COL5A3: variants seen among roughly 807,000 people sequenced by gnomAD.
The protein encoded by COL5A3 is collagen type V alpha 3 chain.
COL5A3 carries 172 observed loss-of-function variants against 250.0 expected under a neutral mutation model. The ratio of observed to expected loss-of-function variants is 0.69; its 90% confidence interval spans 0.61 to 0.78. COL5A3 has a LOEUF of 0.78. Ranked by LOEUF, COL5A3 falls within the 30% of genes least tolerant of loss-of-function variation. COL5A3 has a pLI of 0.00. For missense variants in COL5A3, 2,340 were observed against 2,334.4 expected (o/e 1.00, Z -0.05); for synonymous variants, 937 against 900.4 (o/e 1.04, Z -0.73).
chr19:9,991,951 A>T lies in COL5A3; in HGVS notation c.1893+53T>A. ...ATGGAAGGGAATAGGGATGTGGACA[A>T]TCGGGGTCAGAGTGTCAGAAGGGTC... On this transcript the variant is annotated intron_variant, in intron 22 of 66. Transcript: ENST00000264828. The T allele has an allele frequency of 1.9e-6, 3 of 1,575,714 alleles. No homozygotes were observed. The South Asian group carries it at 3.3e-5, about 17-fold the overall frequency.
chr19:9,973,951 G>T lies in COL5A3; in HGVS notation c.3526C>A (p.Pro1176Thr), dbSNP rs1351578945. ...CCAGTGGGGCCTTGGGGACCCCGAG[G>T]ACCTGGAGCTCCATGGGGACCCTGT... ...GSMGPHGAPG[P>T]RGPQGPTGSE... The change falls in exon 48 of 67, where the codon CCT becomes ACT. Residue 1176 changes from proline to threonine, a missense_variant. This residue lies in a region of COL5A3 where 1,179 missense variants were observed against 1,162.6 expected (regional missense o/e 1.01). Transcript: ENST00000264828. 1 of 1,547,052 alleles carries T rather than the reference G, an allele frequency of 6.5e-7. No homozygotes were observed. Among genetic ancestry groups the T allele is most frequent in the Admixed American group, 2.0e-5 (1 of 50,404 alleles).
intron 65 of COL5A3, among the ~76,000 whole-genome samples, chr19:9,961,559 A>AT (rs61153479): frequency 0.12 from 14,899 of 126,192 alleles, 1,421 homozygotes; most frequent in African/African-American, 0.24. Context: ...ACTTCATTTA[A>AT]TTTTTTTTTT....
intron 31 of COL5A3, among the ~76,000 whole-genome samples, chr19:9,985,216 G>A (rs994344575): frequency 2.0e-5 from 3 of 150,072 alleles, no homozygotes; most frequent in Admixed American, 6.7e-5. Context: ...CTCCCAAAGC[G>A]TTGGGATTAC....
At position 10,001,812 on chromosome 19, in the gene COL5A3, C is replaced by A. The variant is rs139370027; in HGVS notation, c.919G>T (p.Val307Phe). ...NLPPTPTPLV[V>F]TSTVTTGLNA... The stretch of plus-strand genomic sequence containing the variant: ...AGTCCAGTAGTCACAGTGGAGGTGA[C>A]GACCAAAGGCGTGGGGGTCGGAGGC... The change falls in exon 7 of 67, where the codon GTC (valine) becomes TTC (phenylalanine). Residue 307 changes from valine (V) to phenylalanine (F), a missense_variant. Coordinates refer to ENST00000264828, the MANE Select transcript of COL5A3 (RefSeq NM_015719.4). 1.2e-5 allele frequency: 20 copies of A among 1,613,994 alleles called. No homozygotes were observed. The African/African-American group carries it at 2.4e-4, about 19-fold the overall frequency.
At chr19:9,987,392 TA>T (rs2087115087) in intron 27 of COL5A3, among the ~76,000 whole-genome samples, 1 of 152,050 alleles carries the variant, frequency 6.6e-6, no homozygotes, top group South Asian at 2.1e-4. Flanking sequence ...AACTACAACA[TA>T]GGGGTTGGCT....
rs769793526 is a variant in COL5A3, at chr19:10,006,089, C to G, written c.231G>C (p.Thr77=). Reference sequence around the variant, plus strand: ...CCAACTCACCTGGAAAGAGTTCCCACGTGGGGATGCCGAGCGTGCTGGCCT... The same window carrying G: ...CCAACTCACCTGGAAAGAGTTCCCAGGTGGGGATGCCGAGCGTGCTGGCCT... The part of the protein sequence containing the change: ...IGQASTLGIP[T]WELFPEGHFP... The change falls in exon 2 of 67, where the codon ACG becomes ACC. Residue 77 remains threonine (T), a synonymous_variant. Transcript: ENST00000264828. 1.2e-6 allele frequency: 2 copies of G among 1,613,926 alleles called. No homozygotes were observed. Among genetic ancestry groups the G allele is most frequent in the African/African-American group, 2.7e-5 (2 of 74,902 alleles).
At chr19:10,005,373 T>C (rs994819427) in intron 4 of COL5A3, among the ~76,000 whole-genome samples, 185 bp downstream of exon 4, 1 of 152,052 alleles carries the variant, frequency 6.6e-6, no homozygotes. Flanking sequence ...AATTATTGTC[T>C]TGTGGCTCTG....
chr19:9,977,117 G>A (rs192395623), intron 44 of COL5A3, 112 bp downstream of exon 44: 1 of 1,042,258 alleles, frequency 9.6e-7, no homozygotes, highest in East Asian at 2.5e-5. Context: ...TACCCGAGAA[G>A]GCAGAAAACT....
chr19:9,979,651 G>C (rs971109160), intron 37 of COL5A3, among the ~76,000 whole-genome samples, 188 bp downstream of exon 37: 8 of 152,052 alleles, frequency 5.3e-5, no homozygotes, highest in African/African-American at 1.9e-4. Flanking sequence ...TTAGCCGGGC[G>C]TGGTGGCACG....
intron 4 of COL5A3, 22 bp downstream of exon 4, chr19:10,005,536 T>A: frequency 6.2e-7 from 1 of 1,612,186 alleles, no homozygotes; most frequent in Admixed American, 1.7e-5. Context: ...TGCCTCAGTT[T>A]CCCCCATCAC....
At position 9,978,927 on chromosome 19, in the gene COL5A3, C is replaced by G; in HGVS notation, c.2928G>C (p.Arg976Ser). ...GGCCCCCTTTGGGGCCGGGAAAGCC[C>G]CTGAGTCCAGCTGGCCCTTCTTTCC... ...PLGKEGPAGL[R>S]GFPGPKGGPG... Residue 976 changes from arginine to serine, a missense_variant, in exon 40 of 67, where the codon AGG becomes AGC. Arg to Ser is a moderately radical substitution (Grantham distance 110). Around this residue, in one of 3 missense-constraint regions of COL5A3, gnomAD observed 1,179 missense variants for 1,162.6 expected, o/e 1.01. Transcript: ENST00000264828. The G allele has an allele frequency of 6.6e-7, 1 of 1,519,616 alleles. No individual in the cohort carries two copies. The allele number at this position is 1,519,616 out of a possible 1,614,324, so 94.1% of individuals were successfully genotyped here.
intron 21 of COL5A3, among the ~76,000 whole-genome samples, 173 bp downstream of exon 21, chr19:9,992,654 G>A (rs1301129612): frequency 1.3e-5 from 2 of 152,064 alleles, no homozygotes; most frequent in Non-Finnish European, 2.9e-5. Flanking sequence ...GTGGGTCCCT[G>A]TAGTCCCAGC....
intron 8 of COL5A3, 142 bp downstream of exon 8, chr19:10,001,382 A>G (rs8108105): frequency 2.6e-6 from 2 of 760,544 alleles, no homozygotes; most frequent in Non-Finnish European, 4.0e-6. Context: ...CCTGACCTCA[A>G]ATGATCTGCC....
At chr19:10,010,263 G>A (rs1005065466) in intron 1 of COL5A3, 35 bp downstream of exon 1, 23 of 1,341,334 alleles carry the variant, frequency 1.7e-5, no homozygotes, top group African/African-American at 1.7e-4. Context: ...TCTGAGTCGT[G>A]GACCCTGGGT....
intron 41 of COL5A3, among the ~76,000 whole-genome samples, 173 bp from the exon 42 acceptor site, chr19:9,977,874 TCTC>T (rs1197020949): frequency 6.6e-6 from 1 of 150,480 alleles, no homozygotes; most frequent in Admixed American, 6.7e-5. Context: ...GGCATATTCT[TCTC>T]CTGCTCAAGA....
chr19:9,960,617 C>T (rs771519359), intron 66 of COL5A3, 34 bp downstream of exon 66: 8 of 1,613,452 alleles, frequency 5.0e-6, no homozygotes, highest in South Asian at 1.1e-5. Flanking sequence ...ATCTTGCCTC[C>T]CCTCTCTAGC....
chr19:9,974,862 C>CTTTTGTTTGTTTGTTTGT (rs1568411631), intron 45 of COL5A3, among the ~76,000 whole-genome samples: 1 of 151,886 alleles, frequency 6.6e-6, no homozygotes, highest in Non-Finnish European at 1.5e-5. Context: ...GAAGATAAGG[C>CTTTTGTTTGTTTGTTTGT]TTTTGTTTGT....
chr19:9,997,943 G>T (rs1433094708), intron 10 of COL5A3, 41 bp downstream of exon 10: 2 of 1,611,352 alleles, frequency 1.2e-6, no homozygotes, highest in East Asian at 2.2e-5. Flanking sequence ...CCCTCAGCTG[G>T]AAGGGAAAGA....
At chr19:9,970,313 ATCTGTG>A (rs2086819079) in intron 54 of COL5A3, among the ~76,000 whole-genome samples, 12 of 24,932 alleles carry the variant, frequency 4.8e-4, no homozygotes, top group South Asian at 1.7e-3. Flanking sequence ...GGTGAGTGGA[ATCTGTG>A]GGTGAGTGGG....
Sources: gnomAD v4.1 joint callset for allele counts (sites outside exome capture counted in the v4.1 genomes callset) on GRCh38, gnomAD v4.1.1 for gene constraint, gnomAD v4.1.1 regional missense constraint, MANE v1.5 for transcripts, NCBI Gene and HGNC (gene_info 2026-07-23, HGNC 2026-07-21) for gene names.